The following RHCG variants were observed in gnomAD, a reference collection of about 807,000 sequenced individuals.
RHCG encodes the protein Rh family C glycoprotein.
In RHCG, 39 loss-of-function variants were observed where a neutral mutation model predicts 55.3. The ratio of observed to expected loss-of-function variants is 0.70; its 90% CI spans 0.55 to 0.92. RHCG has a LOEUF of 0.92. RHCG is among the 40% of genes least tolerant of loss of function. RHCG has a pLI of 0.00. For missense variants in RHCG, 635 were observed against 627.9 expected (o/e 1.01, Z -0.12); for synonymous variants, 250 against 246.8 (o/e 1.01, Z -0.12).
In RHCG at chr15:89,490,977, C is replaced by T. The variant is rs139385281; in HGVS notation, c.185-3992G>A. 2.5e-3 allele frequency among the ~76,000 whole-genome samples: 384 copies of T among 152,192 alleles called. 3 individuals are homozygous for T. Among genetic ancestry groups the T allele is most frequent in the Non-Finnish European group, 3.9e-3 (262 of 67,986 alleles). On this transcript the variant is annotated intron_variant, in intron 1 of 10. Coordinates refer to ENST00000268122, the MANE Select transcript of RHCG (RefSeq NM_016321.3). ...AAGCTAGCAGAGAAGACGAAGGACACGCTGGCAGGGAGGTGGGAGGAGCCC... is the reference window on the plus strand; with the variant it reads ...AAGCTAGCAGAGAAGACGAAGGACATGCTGGCAGGGAGGTGGGAGGAGCCC...
Position 89,477,640 on chromosome 15 carries a change from G to C in RHCG, c.989C>G (p.Ser330Cys). 6.2e-7 allele frequency: 1 copy of C among 1,614,072 alleles called. No homozygotes were observed. The stretch of plus-strand genomic sequence containing the variant: ...ACATGTGTCCTGGATGTGCAGCCGG[G>C]ACTCCAGGAATGGCTGGAGACGGGA... ...GFVYLTPFLESRLHIQDTCGI... is the reference protein window; with the variant it reads ...GFVYLTPFLECRLHIQDTCGI... The change falls in exon 7 of 11, where the codon TCC becomes TGC. Residue 330 changes from serine (S) to cysteine (C), a missense_variant. Transcript: ENST00000268122. This position sits in a 1 kb window ranked among gnomAD's most constrained non-coding sequence, Gnocchi z 4.5.
chr15:89,491,592 C>A (rs1200469056), intron 1 of RHCG, among the ~76,000 whole-genome samples: 3 of 151,974 alleles, frequency 2.0e-5, no homozygotes, highest in African/African-American at 7.2e-5. Context: ...CATGGGGAAA[C>A]CCCATCTCTG....
chr15:89,492,487 C>G (rs757063554), intron 1 of RHCG, among the ~76,000 whole-genome samples: 5 of 152,178 alleles, frequency 3.3e-5, no homozygotes, highest in Non-Finnish European at 5.9e-5. Context: ...TCCCCCAAGA[C>G]TCCGTGCCCA....
At chr15:89,492,678 T>C (rs1961498540) in intron 1 of RHCG, among the ~76,000 whole-genome samples, 1 of 152,196 alleles carries the variant, frequency 6.6e-6, no homozygotes, top group African/African-American at 2.4e-5. Context: ...CATCATAAAA[T>C]GGAAATTATA....
rs187822907 is a variant in RHCG, at chr15:89,486,040, G to C, written c.371+759C>G. ...TCACTGCAGAACAGAGGGAGGGGCT[G>C]AGTCACCTGACAAGAAGGGGCTGGT... On this transcript the variant is annotated intron_variant, in intron 2 of 10. Coordinates refer to ENST00000268122, the MANE Select transcript of RHCG (RefSeq NM_016321.3). 2.3e-3 allele frequency among the ~76,000 whole-genome samples: 343 copies of C among 152,286 alleles called. 1 individual carries two copies. The highest frequency in any genetic ancestry group is 3.4e-3 in the Middle Eastern group (1 of 294).
intron 8 of RHCG, 121 bp downstream of exon 8, chr15:89,476,961 A>C: frequency 6.5e-7 from 1 of 1,546,586 alleles, no homozygotes; most frequent in South Asian, 1.1e-5. Flanking sequence ...CTGTAGCCAG[A>C]AGTGCAGAGA....
At chr15:89,495,328 G>C (rs985989465) in intron 1 of RHCG, among the ~76,000 whole-genome samples, 1 of 152,196 alleles carries the variant, frequency 6.6e-6, no homozygotes, top group African/African-American at 2.4e-5. Flanking sequence ...CCCTGTTGCC[G>C]AGAATGTCTA....
intron 1 of RHCG, among the ~76,000 whole-genome samples, chr15:89,494,691 G>A (rs1332778397): frequency 6.6e-6 from 1 of 150,638 alleles, no homozygotes; most frequent in Non-Finnish European, 1.5e-5. Flanking sequence ...CACCTAGGCT[G>A]GAGTGCAGTG....
intron 3 of RHCG, 76 bp from the exon 4 acceptor site, chr15:89,480,484 C>T (rs962873146): frequency 1.2e-5 from 19 of 1,524,030 alleles, no homozygotes; most frequent in Non-Finnish European, 1.7e-5. Context: ...TCTTGCCACA[C>T]ACACACACGC....
At chr15:89,475,723 A>G (rs991219968) in intron 9 of RHCG, among the ~76,000 whole-genome samples, 1 of 152,020 alleles carries the variant, frequency 6.6e-6, no homozygotes. Flanking sequence ...AGAATCCCCG[A>G]GGAAGCTTTA....
chr15:89,477,518 C>T lies in RHCG; in HGVS notation c.1111G>A (p.Gly371Arg). 1 of 1,614,086 alleles carries T rather than the reference C, an allele frequency of 6.2e-7. No individual in the cohort carries two copies. Among genetic ancestry groups the T allele is most frequent in the Non-Finnish European group, 8.5e-7 (1 of 1,180,006 alleles). ...CCACCGCACCTCCTCCACATTTACC[C>T]TTCTTTTCCATAGACTTCAAGGCTG... ...SASLEVYGKE[G>R]LVHSFDFQGF... The change falls in exon 7 of 11, where the codon GGG (glycine) becomes AGG (arginine). Residue 371 changes from glycine (G) to arginine (R), a missense_variant and splice_region_variant. Transcript: ENST00000268122. The surrounding 1 kb of genome is among the most constrained non-coding windows in gnomAD (Gnocchi z 4.5).
rs753692609 is a variant in RHCG, at chr15:89,477,478, G to C, written c.1112+39C>G. 10 of 1,608,292 alleles carry C rather than the reference G, an allele frequency of 6.2e-6. No individual in the cohort carries two copies. The East Asian group carries it at 2.2e-4, about 36-fold the overall frequency. On this transcript the variant is annotated intron_variant, in intron 7 of 10. Transcript: ENST00000268122. The surrounding 1 kb of genome is among the most constrained non-coding windows in gnomAD (Gnocchi z 4.5). ...CAGGAAGAAGGGATGGGAGAAGGAA[G>C]GGGGAAGCTCCATCCCACCGCACCT...
At position 89,483,229 on chromosome 15, in the gene RHCG, C is replaced by G. The variant is rs548875507; in HGVS notation, c.372-12G>C. The G allele has an allele frequency of 3.9e-6, 6 of 1,538,964 alleles. No homozygotes were observed. Among genetic ancestry groups the G allele is most frequent in the Non-Finnish European group, 5.3e-6 (6 of 1,126,486 alleles). On this transcript the variant is annotated splice_polypyrimidine_tract_variant and intron_variant, in intron 2 of 10. Transcript: ENST00000268122. Reference sequence around the variant, plus strand: ...CAGCGTTGATGAGGCTGTGGGGAGACAGGCCAGTGGAGAAGCTGGGGCAAT... The same window carrying G: ...CAGCGTTGATGAGGCTGTGGGGAGAGAGGCCAGTGGAGAAGCTGGGGCAAT...
intron 1 of RHCG, among the ~76,000 whole-genome samples, chr15:89,492,057 G>A (rs1334772626): frequency 8.3e-6 from 1 of 120,774 alleles, no homozygotes; most frequent in Non-Finnish European, 1.7e-5. Context: ...AGGTTGCATT[G>A]GGTTGGCAAC....
chr15:89,482,093 T>C (rs28640986), intron 3 of RHCG, among the ~76,000 whole-genome samples: 4,648 of 152,258 alleles, frequency 0.031, 166 homozygotes, highest in African/African-American at 0.082. Context: ...TGAGCCACCG[T>C]GCTTGGCCTA....
chr15:89,486,916 C>T lies in RHCG; in HGVS notation c.254G>A (p.Gly85Asp). The T allele has an allele frequency of 6.2e-7, 1 of 1,612,832 alleles. No individual in the cohort carries two copies. The highest frequency in any genetic ancestry group is 2.2e-5 in the East Asian group (1 of 44,824). ...GFLMTFLQRY[G>D]FSAVGFNFLL... ...GAAGTTGAAGCCCACGGCGCTGAAG[C>T]CGTAGCGCTGCAGGAAAGTCATGAG... Residue 85 changes from glycine to aspartate, a missense_variant, in exon 2 of 11, where the codon GGC (glycine) becomes GAC (aspartate). Gly to Asp is a moderately conservative substitution (Grantham distance 94, BLOSUM62 -1). Coordinates refer to ENST00000268122, the MANE Select transcript of RHCG (RefSeq NM_016321.3).
At chr15:89,486,654 C>G in intron 2 of RHCG, 145 bp downstream of exon 2, 1 of 505,294 alleles carries the variant, frequency 2.0e-6, no homozygotes, top group Non-Finnish European at 3.5e-6. Flanking sequence ...ATCTGTCTCG[C>G]AAGCCCAGTG....
At chr15:89,475,762 C>A (rs1375076718) in intron 9 of RHCG, among the ~76,000 whole-genome samples, 1 of 152,116 alleles carries the variant, frequency 6.6e-6, no homozygotes, top group Admixed American at 6.5e-5. Context: ...GACCCTACCC[C>A]AGAGCAGTTA....
chr15:89,489,853 C>T (rs552257710), intron 1 of RHCG, among the ~76,000 whole-genome samples: 1 of 152,282 alleles, frequency 6.6e-6, no homozygotes, highest in East Asian at 1.9e-4. Flanking sequence ...TTATGGCACC[C>T]TTTTTTCTTT....
Sources: gnomAD v4.1 joint callset for allele counts (sites outside exome capture counted in the v4.1 genomes callset) on GRCh38, gnomAD v4.1.1 for gene constraint, Gnocchi (gnomAD v3.1) non-coding constraint, MANE v1.5 for transcripts, NCBI Gene and HGNC (gene_info 2026-07-23, HGNC 2026-07-21) for gene names.